ANKMY1: variants seen among roughly 807,000 people sequenced by gnomAD.
ANKMY1 encodes ankyrin repeat and MYND domain containing 1.
Under a neutral mutation model 102.0 loss-of-function variants are expected in ANKMY1, and 98 were observed. The observed-to-expected ratio is 0.96, with a 90% CI of 0.82 to 1.14. ANKMY1 has a LOEUF of 1.14. Among genes scored for constraint, ANKMY1 ranks in the 50% most tolerant of loss-of-function variants. ANKMY1 has a pLI of 0.00. For synonymous variants in ANKMY1, 582 were observed against 559.9 expected (o/e 1.04, Z -0.56); for missense variants, 1,330 against 1,347.6 (o/e 0.99, Z 0.20).
chr2:240,519,192 A>G (rs10165759), intron 9 of ANKMY1, among the ~76,000 whole-genome samples: 94,898 of 152,204 alleles, frequency 0.62, 29,928 homozygotes, highest in East Asian at 0.86. Flanking sequence ...TTCGTCACCC[A>G]TCTGGAATCT....
downstream of ANKMY1, among the ~76,000 whole-genome samples, chr2:240,477,307 ACT>A (rs2074921401): frequency 1.3e-5 from 2 of 152,322 alleles, no homozygotes; most frequent in East Asian, 1.9e-4. Flanking sequence ...CAAGAGAGAA[ACT>A]CTGTCTCAAA....
chr2:240,551,712 C>T (rs56068082), intron 4 of ANKMY1, among the ~76,000 whole-genome samples: 12,534 of 152,278 alleles, frequency 0.082, 685 homozygotes, highest in Non-Finnish European at 0.12. Flanking sequence ...CTGCCCACAA[C>T]GCCCCTCCTC....
At chr2:240,503,784 A>G (rs111648864) in intron 13 of ANKMY1, among the ~76,000 whole-genome samples, 5,338 of 152,332 alleles carry the variant, frequency 0.035, 128 homozygotes, top group South Asian at 0.08. Flanking sequence ...GGGATCTGTG[A>G]ACGTGACTTT....
At chr2:240,560,443 G>A, upstream of ANKMY1, 1 of 471,394 alleles carries the variant, frequency 2.1e-6, no homozygotes, top group Non-Finnish European at 3.4e-6. Context: ...GCGGTCCAAG[G>A]CCCCGGCGCC....
intron 2 of ANKMY1, among the ~76,000 whole-genome samples, chr2:240,556,449 A>G (rs1450363610): frequency 6.6e-6 from 1 of 152,228 alleles, no homozygotes; most frequent in Middle Eastern, 3.2e-3. Context: ...TTACTCTCCG[A>G]TAAGTTAAAA....
intron 8 of ANKMY1, 189 bp downstream of exon 8, chr2:240,523,696 G>T: frequency 1.0e-6 from 1 of 979,844 alleles, no homozygotes; most frequent in Non-Finnish European, 1.5e-6. Flanking sequence ...AAAACAGCCC[G>T]TCACCGTGGC....
the ANKMY1 span, among the ~76,000 whole-genome samples, chr2:240,468,705 G>A: frequency 1.3e-5 from 2 of 152,188 alleles, no homozygotes; most frequent in African/African-American, 4.8e-5. Context: ...TTTTAACATT[G>A]CGTTTCCATC....
At chr2:240,560,970 G>A (rs776672030), upstream of ANKMY1, 26 of 1,516,828 alleles carry the variant, frequency 1.7e-5, no homozygotes, top group Non-Finnish European at 2.1e-5. Flanking sequence ...GGTGCGCGCC[G>A]GCGGCGCCTG....
chr2:240,486,468 C>T (rs1184490507), intron 15 of ANKMY1, among the ~76,000 whole-genome samples: 1 of 152,130 alleles, frequency 6.6e-6, no homozygotes, highest in Non-Finnish European at 1.5e-5. Context: ...GCTCTTTGTT[C>T]ATGTGTATCA....
rs979788367 is a variant in ANKMY1 at position 240,479,458 on chromosome 2, G to A, written c.*151C>T. 1.2e-5 allele frequency: 11 copies of A among 933,060 alleles called. No homozygotes were observed. The Middle Eastern group carries it at 6.7e-4, about 57-fold the overall frequency. The allele number at this position is 933,060 out of a possible 1,614,324, so 57.8% of individuals were successfully genotyped here. ...TCACCCCGTGGGGCCAATTTATTGC[G>A]AGGTCGCAAGGGAGACACTGCTACA... On this transcript the variant is annotated 3_prime_UTR_variant, in exon 18 of 18. Coordinates refer to ENST00000401804, the MANE Select transcript of ANKMY1 (RefSeq NM_001282771.3).
chr2:240,560,703 G>A (rs764036107), upstream of ANKMY1: 265 of 1,526,904 alleles, frequency 1.7e-4, no homozygotes, highest in Non-Finnish European at 2.2e-4. Flanking sequence ...GGCAGAAGCT[G>A]GGCGCCGCGG....
rs112651802 is a variant in ANKMY1, at chr2:240,557,906, C to G, written c.-43G>C. 3 of 985,546 alleles carry G rather than the reference C, an allele frequency of 3.0e-6. No homozygotes were observed. Among genetic ancestry groups the G allele is most frequent in the Non-Finnish European group, 3.6e-6 (3 of 830,018 alleles). 61.1% of individuals were successfully genotyped at this position (985,546 alleles called of 1,614,324 possible). A position where few individuals can be genotyped will look rare whatever the true frequency, so the allele number is the denominator to read the frequency against. The stretch of plus-strand genomic sequence containing the variant: ...CAAGCAAGACTCGAAGAGCTCGCGC[C>G]GGACAGCAGGGAGACCGACGGGACT... On this transcript the variant is annotated 5_prime_UTR_variant, in exon 1 of 18. Transcript: ENST00000401804.
Position 240,520,279 on chromosome 2 carries a change from G to A in ANKMY1, c.2004+83C>T. The stretch of plus-strand genomic sequence containing the variant: ...GCAAGAGCCCACCCCTCTCTTCCGC[G>A]CCTAGGTGGAGCGAGGAGCTTCCCG... On this transcript the variant is annotated intron_variant, in intron 9 of 17. Transcript: ENST00000401804. This position sits in a 1 kb window ranked among gnomAD's most constrained non-coding sequence, Gnocchi z 4.8. 1 of 1,487,066 alleles carries A rather than the reference G, an allele frequency of 6.7e-7. No individual in the cohort carries two copies. Among genetic ancestry groups the A allele is most frequent in the Non-Finnish European group, 9.0e-7 (1 of 1,109,028 alleles). 92.1% of individuals were successfully genotyped at this position (1,487,066 alleles called of 1,614,324 possible). A position where few individuals can be genotyped will look rare whatever the true frequency, so the allele number is the denominator to read the frequency against.
intron 14 of ANKMY1, 147 bp downstream of exon 14, chr2:240,500,305 G>T: frequency 8.9e-7 from 1 of 1,124,436 alleles, no homozygotes; most frequent in Non-Finnish European, 1.2e-6. Flanking sequence ...ACTTTGGGGG[G>T]TTCACCTCTG....
chr2:240,531,115 G>T (rs1029271467), intron 4 of ANKMY1, among the ~76,000 whole-genome samples: 1 of 152,076 alleles, frequency 6.6e-6, no homozygotes, highest in African/African-American at 2.4e-5. Context: ...AAGATATGTA[G>T]ATAACAAATA....
rs770917658 is a variant in ANKMY1, at chr2:240,481,104, C to A, written c.2886-7G>T. The A allele has an allele frequency of 5.6e-6, 9 of 1,604,126 alleles. No homozygotes were observed. Among genetic ancestry groups the A allele is most frequent in the Non-Finnish European group, 7.7e-6 (9 of 1,172,094 alleles). ...GAACTTGAAGAAGGGAATTCTGCAA[C>A]AGAGCCTCACCGTCAGCAGGCGGCC... On this transcript the variant is annotated splice_polypyrimidine_tract_variant and splice_region_variant and intron_variant, in intron 16 of 17. Coordinates refer to ENST00000401804, the MANE Select transcript of ANKMY1 (RefSeq NM_001282771.3).
chr2:240,511,876 C>T lies in ANKMY1; in HGVS notation c.2271G>A (p.Arg757=), dbSNP rs774535110. ...GRTALHMACE[R]EDDNKCARDI... Reference sequence around the variant, plus strand: ...CTGCCCTCACCTTGTTGTCATCCTCCCGCTCGCAGGCCATGTGCAGAGCCG... The same window carrying T: ...CTGCCCTCACCTTGTTGTCATCCTCTCGCTCGCAGGCCATGTGCAGAGCCG... The change falls in exon 11 of 18, where the codon CGG becomes CGA. Residue 757 remains arginine (R), a synonymous_variant. Coordinates refer to ENST00000401804, the MANE Select transcript of ANKMY1 (RefSeq NM_001282771.3). 2.5e-6 allele frequency: 4 copies of T among 1,590,428 alleles called. No homozygotes were observed. The highest frequency in any genetic ancestry group is 3.4e-6 in the Non-Finnish European group (4 of 1,175,182).
chr2:240,488,099 C>T (rs984409580), intron 15 of ANKMY1, among the ~76,000 whole-genome samples: 3 of 152,076 alleles, frequency 2.0e-5, no homozygotes, highest in Non-Finnish European at 4.4e-5. Context: ...TTTTTATAGT[C>T]TCAAGTCTTG....
At chr2:240,546,614 C>T (rs1163563643) in intron 4 of ANKMY1, among the ~76,000 whole-genome samples, 1 of 152,030 alleles carries the variant, frequency 6.6e-6, no homozygotes, top group Non-Finnish European at 1.5e-5. Flanking sequence ...TTCAGGAAAC[C>T]CATCCCACGT....
Sources: gnomAD v4.1 joint callset for allele counts (sites outside exome capture counted in the v4.1 genomes callset) on GRCh38, gnomAD v4.1.1 for gene constraint, Gnocchi (gnomAD v3.1) non-coding constraint, MANE v1.5 for transcripts, NCBI Gene and HGNC (gene_info 2026-07-23, HGNC 2026-07-21) for gene names.